Variants in DCP1A observed in about 807,000 individuals in gnomAD.
The protein encoded by DCP1A is mRNA-decapping enzyme 1A.
DCP1A carries 20 observed loss-of-function variants against 58.0 expected under a neutral mutation model. That is an observed-to-expected ratio of 0.34 (90% CI 0.24 to 0.50). The LOEUF (loss-of-function observed/expected upper bound fraction) is 0.50. Ranked by LOEUF, DCP1A falls within the 20% of genes least tolerant of loss-of-function variation. The pLI is 0.98. For missense variants in DCP1A, 613 were observed against 712.2 expected (o/e 0.86, Z 1.59); for synonymous variants, 285 against 275.1 (o/e 1.04, Z -0.36).
chr3:53,292,265 T>C lies in DCP1A; in HGVS notation c.1187A>G (p.Gln396Arg). 6.2e-7 allele frequency: 1 copy of C among 1,614,002 alleles called. No individual in the cohort carries two copies. The highest frequency in any genetic ancestry group is 8.5e-7 in the Non-Finnish European group (1 of 1,179,884). ...GTSLPSVDLL[Q>R]KLRLTPQHDQ... ...ATGCTGTGGGGTCAACCTGAGTTTC[T>C]GGAGAAGATCAACGCTTGGGAGGGA... The change falls in exon 7 of 10, where the codon CAG becomes CGG. Residue 396 changes from glutamine (Q) to arginine (R), a missense_variant. Physicochemically the swap from Gln to Arg is conservative, Grantham distance 43 (BLOSUM62 1). This residue lies in a region of DCP1A where 498 missense variants were observed against 556.7 expected (regional missense o/e 0.89). Transcript: ENST00000610213.
At chr3:53,300,568 ACCT>A (rs1707281646) in intron 6 of DCP1A, among the ~76,000 whole-genome samples, 1 of 151,230 alleles carries the variant, frequency 6.6e-6, no homozygotes, top group Non-Finnish European at 1.5e-5. Context: ...TGAACTCCTG[ACCT>A]CAGGTGATCC....
At chr3:53,307,599 G>C (rs1170882747) in intron 5 of DCP1A, among the ~76,000 whole-genome samples, 10 of 152,142 alleles carry the variant, frequency 6.6e-5, no homozygotes, top group Admixed American at 6.5e-4. Flanking sequence ...ATGTATTTCT[G>C]ATACTTGTGC....
intron 3 of DCP1A, among the ~76,000 whole-genome samples, chr3:53,331,488 C>A (rs544735086): frequency 2.0e-5 from 3 of 152,154 alleles, no homozygotes; most frequent in Non-Finnish European, 2.9e-5. Context: ...CTCTCACATT[C>A]AGTACAGTAA....
At chr3:53,307,494 G>A (rs563885626) in intron 5 of DCP1A, among the ~76,000 whole-genome samples, 7 of 152,238 alleles carry the variant, frequency 4.6e-5, no homozygotes, top group African/African-American at 1.7e-4. Context: ...GGCTTCCCTG[G>A]CTCTTGGGGC....
At chr3:53,314,577 A>T (rs1707741394) in intron 4 of DCP1A, among the ~76,000 whole-genome samples, 1 of 151,702 alleles carries the variant, frequency 6.6e-6, no homozygotes, top group African/African-American at 2.4e-5. Context: ...TGACTTGGCC[A>T]TGCTGGTATT....
chr3:53,307,111 G>A (rs1338841583), intron 5 of DCP1A, among the ~76,000 whole-genome samples: 3 of 151,642 alleles, frequency 2.0e-5, no homozygotes, highest in Non-Finnish European at 2.9e-5. Context: ...ACCACACCCA[G>A]CTAATTTTTC....
chr3:53,290,383 C>G (rs1553685781), intron 8 of DCP1A, among the ~76,000 whole-genome samples: 1 of 152,064 alleles, frequency 6.6e-6, no homozygotes, highest in Non-Finnish European at 1.5e-5. Context: ...AGCAGTCACC[C>G]ATTCACAAAT....
intron 4 of DCP1A, among the ~76,000 whole-genome samples, chr3:53,316,691 C>T (rs1290160381): frequency 6.6e-6 from 1 of 151,226 alleles, no homozygotes; most frequent in Non-Finnish European, 1.5e-5. Context: ...CAATCCTCCC[C>T]GCCTTGACCT....
intron 6 of DCP1A, among the ~76,000 whole-genome samples, chr3:53,297,744 T>G (rs555582895): frequency 6.6e-6 from 1 of 152,244 alleles, no homozygotes; most frequent in African/African-American, 2.4e-5. Context: ...AAACCAATAT[T>G]TAGGTATAAA....
intron 4 of DCP1A, among the ~76,000 whole-genome samples, chr3:53,314,608 C>A (rs1553688999): frequency 4.6e-5 from 7 of 150,628 alleles, no homozygotes. Context: ...CTGACCCAGA[C>A]TAGGATCTGT....
At chr3:53,291,907 T>C (rs1265881996) in intron 7 of DCP1A, among the ~76,000 whole-genome samples, 162 bp downstream of exon 7, 2 of 152,240 alleles carry the variant, frequency 1.3e-5, no homozygotes, top group Non-Finnish European at 2.9e-5. Context: ...TGGTTGTTCA[T>C]GATAGGGCTT....
chr3:53,329,539 C>T (rs1553691076), intron 3 of DCP1A: 2 of 392,232 alleles, frequency 5.1e-6, no homozygotes, highest in Admixed American at 4.4e-5. Context: ...AGCTAAAGAG[C>T]AACATATTAG....
At chr3:53,295,365 T>TAA (rs1181453517) in intron 6 of DCP1A, among the ~76,000 whole-genome samples, 1 of 152,218 alleles carries the variant, frequency 6.6e-6, no homozygotes, top group East Asian at 1.9e-4. Flanking sequence ...CTACTAATGT[T>TAA]AGACTCTCAC....
Position 53,287,437 on chromosome 3 carries a change from G to A in DCP1A, c.*143C>T. 1 of 349,986 alleles carries A rather than the reference G, an allele frequency of 2.9e-6. No individual in the cohort carries two copies. Among genetic ancestry groups the A allele is most frequent in the East Asian group, 5.4e-5 (1 of 18,632 alleles). 21.7% of individuals were successfully genotyped at this position (349,986 alleles called of 1,614,324 possible). A position where few individuals can be genotyped will look rare whatever the true frequency, so the allele number is the denominator to read the frequency against. On this transcript the variant is annotated 3_prime_UTR_variant, in exon 10 of 10. Transcript: ENST00000610213. ...CCATTATCACTGAGAATGTCACTTGGAAAACATTCTTAAGAAATGAGTCTC... is the reference window on the plus strand; with the variant it reads ...CCATTATCACTGAGAATGTCACTTGAAAAACATTCTTAAGAAATGAGTCTC...
chr3:53,304,352 C>A, intron 5 of DCP1A, 62 bp from the exon 6 acceptor site: 2 of 1,165,780 alleles, frequency 1.7e-6, no homozygotes, highest in Non-Finnish European at 2.5e-6. Context: ...ATTTGGCTCA[C>A]AAAACAGCAT....
chr3:53,295,112 G>A (rs1382826580), intron 6 of DCP1A, among the ~76,000 whole-genome samples: 1 of 152,168 alleles, frequency 6.6e-6, no homozygotes, highest in Non-Finnish European at 1.5e-5. Flanking sequence ...GGCCAGCAGC[G>A]ATGAGCATGC....
chr3:53,336,328 A>C (rs1311216932), intron 3 of DCP1A, among the ~76,000 whole-genome samples: 2 of 152,042 alleles, frequency 1.3e-5, no homozygotes, highest in African/African-American at 2.4e-5. Context: ...GCTGGTCTCG[A>C]ACTCTTGACC....
At chr3:53,293,197 A>C (rs1553686411) in intron 6 of DCP1A, among the ~76,000 whole-genome samples, 1 of 152,146 alleles carries the variant, frequency 6.6e-6, no homozygotes, top group African/African-American at 2.4e-5. Context: ...TTCTACCTTT[A>C]CTTTCACTGT....
intron 6 of DCP1A, among the ~76,000 whole-genome samples, chr3:53,298,710 C>T (rs997519935): frequency 6.6e-6 from 1 of 152,160 alleles, no homozygotes; most frequent in Admixed American, 6.5e-5. Context: ...TACTTACCTC[C>T]GGAAAACAGG....
Sources: gnomAD v4.1 joint callset for allele counts (sites outside exome capture counted in the v4.1 genomes callset) on GRCh38, gnomAD v4.1.1 for gene constraint, gnomAD v4.1.1 regional missense constraint, MANE v1.5 for transcripts, NCBI Gene and HGNC (gene_info 2026-07-23, HGNC 2026-07-21) for gene names.